The following CSMD3 variants were observed in gnomAD, a reference collection of about 807,000 sequenced individuals.
The protein encoded by CSMD3 is CUB and Sushi multiple domains 3.
In CSMD3, 177 loss-of-function variants were observed where a neutral mutation model predicts 435.2. That is an observed-to-expected ratio of 0.41 (90% CI 0.36 to 0.46). CSMD3 has a LOEUF of 0.46. CSMD3 is among the 20% of genes least tolerant of loss of function. CSMD3 has a pLI of 0.34. For missense variants in CSMD3, 4,265 were observed against 4,504.6 expected, an observed-to-expected ratio of 0.95 and a Z score of 1.52; for synonymous variants, 1,656 against 1,520.5, an observed-to-expected ratio of 1.09 and a Z score of -2.07.
chr8:112,292,851 G>A (rs1422838406), intron 54 of CSMD3, 141 bp from the exon 55 acceptor site: 1 of 743,698 alleles, frequency 1.3e-6, no homozygotes, highest in South Asian at 1.5e-5. Flanking sequence ...TATACGGAAA[G>A]TACATTTACT....
chr8:113,224,292 G>T (rs944908613), intron 3 of CSMD3, among the ~76,000 whole-genome samples: 1 of 150,980 alleles, frequency 6.6e-6, no homozygotes, highest in Non-Finnish European at 1.5e-5. Flanking sequence ...TACTGAAACT[G>T]GTCCTCCTGT....
Position 112,289,489 on chromosome 8 carries a change from G to C in CSMD3, c.9024C>G (p.Gly3008=). ...PGVPPNAVLS[G]EKYTFGSTVH... is the part of the protein sequence containing the mutation. Reference sequence around the variant, plus strand: ...CAGTAGACCCAAAAGTATACTTCTCGCCAGACAGGACTGCATTAGGAGGAA... The same window carrying C: ...CAGTAGACCCAAAAGTATACTTCTCCCCAGACAGGACTGCATTAGGAGGAA... The change falls in exon 57 of 71, where the codon GGC becomes GGG. Residue 3008 remains glycine, a synonymous_variant. Transcript: ENST00000297405. The C allele has an allele frequency of 1.2e-6, 2 of 1,612,792 alleles. No individual in the cohort carries two copies. Among genetic ancestry groups the C allele is most frequent in the South Asian group, 1.1e-5 (1 of 91,060 alleles).
At chr8:113,304,067 GA>G (rs2093797763) in intron 2 of CSMD3, among the ~76,000 whole-genome samples, 1 of 126,940 alleles carries the variant, frequency 7.9e-6, no homozygotes, top group Non-Finnish European at 1.7e-5. Flanking sequence ...AAATCTACAA[GA>G]AAAAAACAAA....
intron 5 of CSMD3, among the ~76,000 whole-genome samples, chr8:113,053,964 A>G (rs551021673): frequency 6.6e-6 from 1 of 152,226 alleles, no homozygotes; most frequent in East Asian, 1.9e-4. Flanking sequence ...ATCCTTTTCT[A>G]TGACTCAGTT....
chr8:112,879,921 G>A (rs1222096201), intron 10 of CSMD3, among the ~76,000 whole-genome samples: 1 of 151,982 alleles, frequency 6.6e-6, no homozygotes, highest in Non-Finnish European at 1.5e-5. Flanking sequence ...GGCCTGTTGG[G>A]GGGTGGAGGG....
intron 31 of CSMD3, among the ~76,000 whole-genome samples, chr8:112,490,384 C>A (rs890351915): frequency 1.2e-4 from 18 of 152,008 alleles, no homozygotes; most frequent in Admixed American, 1.2e-3. Context: ...CATAAGTGAT[C>A]CTATAAAATG....
chr8:113,192,451 A>C (rs1346202238), intron 3 of CSMD3, among the ~76,000 whole-genome samples: 5 of 151,672 alleles, frequency 3.3e-5, no homozygotes, highest in Non-Finnish European at 7.4e-5. Flanking sequence ...TGCTTTATAA[A>C]AAAGCTATTT....
At position 112,517,143 on chromosome 8, in the gene CSMD3, A is replaced by T. The variant is rs2130988971; in HGVS notation, c.4647T>A (p.Thr1549=). ...ATCCTGGGTCACATTGAAAAACAACAGTGTCCCCAGGTTCTCTTCCATCCC... is the reference window on the plus strand; with the variant it reads ...ATCCTGGGTCACATTGAAAAACAACTGTGTCCCCAGGTTCTCTTCCATCCC... ...RNGDGREPGD[T]VVFQCDPGYE... Residue 1549 remains threonine, a synonymous_variant, in exon 28 of 71, where the codon ACT becomes ACA. Coordinates refer to ENST00000297405, the MANE Select transcript of CSMD3 (RefSeq NM_198123.2). The T allele has an allele frequency of 6.2e-7, 1 of 1,613,702 alleles. No individual in the cohort carries two copies.
intron 3 of CSMD3, among the ~76,000 whole-genome samples, chr8:113,268,302 T>C (rs2093489162): frequency 6.6e-6 from 1 of 151,918 alleles, no homozygotes; most frequent in African/African-American, 2.4e-5. Flanking sequence ...GTTATACGAC[T>C]ATTAAACTTA....
intron 4 of CSMD3, among the ~76,000 whole-genome samples, chr8:113,145,639 TTAA>T (rs1420157203): frequency 1.3e-5 from 2 of 151,672 alleles, no homozygotes; most frequent in Non-Finnish European, 3.0e-5. Flanking sequence ...ACCAGTTTAC[TTAA>T]TAATATCTTA....
intron 5 of CSMD3, among the ~76,000 whole-genome samples, chr8:113,043,497 A>G (rs373736260): frequency 1.2e-3 from 176 of 152,292 alleles, no homozygotes; most frequent in African/African-American, 4.1e-3. Flanking sequence ...GTATCCTGTG[A>G]TCAAAACATT....
At chr8:112,785,944 A>T (rs906855271) in intron 13 of CSMD3, among the ~76,000 whole-genome samples, 5 of 152,098 alleles carry the variant, frequency 3.3e-5, no homozygotes, top group African/African-American at 7.2e-5. Context: ...ATGTATATGG[A>T]ACCACAAAAG....
intron 24 of CSMD3, among the ~76,000 whole-genome samples, chr8:112,572,439 C>G (rs1035073938): frequency 1.3e-5 from 2 of 151,976 alleles, no homozygotes; most frequent in African/African-American, 4.8e-5. Context: ...CTCTTGTCTA[C>G]TATTTCTTAT....
chr8:113,267,053 A>G (rs564469947), intron 3 of CSMD3, among the ~76,000 whole-genome samples: 77 of 151,736 alleles, frequency 5.1e-4, no homozygotes, highest in South Asian at 6.2e-4. Context: ...CCAATGAGAT[A>G]TCACTTGTCC....
intron 22 of CSMD3, among the ~76,000 whole-genome samples, chr8:112,604,343 T>C (rs1832622499): frequency 6.6e-6 from 1 of 152,138 alleles, no homozygotes; most frequent in Admixed American, 6.6e-5. Context: ...GTAGTTTTTT[T>C]CTAATTATGT....
intron 5 of CSMD3, among the ~76,000 whole-genome samples, chr8:113,064,541 C>G (rs1479155045): frequency 6.6e-6 from 1 of 152,060 alleles, no homozygotes; most frequent in Non-Finnish European, 1.5e-5. Context: ...ATTTGACACT[C>G]TTAACAAAAA....
At chr8:112,809,621 G>T (rs947012415) in intron 12 of CSMD3, among the ~76,000 whole-genome samples, 2 of 151,940 alleles carry the variant, frequency 1.3e-5, no homozygotes, top group African/African-American at 4.8e-5. Flanking sequence ...TGTACTCCTG[G>T]TAATAATAGT....
chr8:112,953,913 T>C (rs2083916076), intron 8 of CSMD3, among the ~76,000 whole-genome samples: 1 of 151,536 alleles, frequency 6.6e-6, no homozygotes, highest in Admixed American at 6.6e-5. Flanking sequence ...GCAATGTTAT[T>C]TTGGAAGTCA....
intron 31 of CSMD3, among the ~76,000 whole-genome samples, chr8:112,475,200 CAAGTT>C (rs1818921981): frequency 6.6e-6 from 1 of 152,166 alleles, no homozygotes; most frequent in Admixed American, 6.6e-5. Flanking sequence ...ACTTCTAACT[CAAGTT>C]CAGTTCTGTA....
Sources: allele counts gnomAD v4.1 joint callset (sites outside exome capture counted in the v4.1 genomes callset), GRCh38; gene constraint gnomAD v4.1.1; transcripts MANE v1.5; gene names NCBI Gene and HGNC (gene_info 2026-07-23, HGNC 2026-07-21).